The following MAP2 variants were observed in gnomAD, a reference collection of about 807,000 sequenced individuals.
MAP2 encodes the protein microtubule-associated protein 2.
A neutral mutation model predicts 137.6 loss-of-function variants in MAP2; 14 were observed. That is an observed-to-expected ratio of 0.10 (90% CI 0.07 to 0.16). The LOEUF (loss-of-function observed/expected upper bound fraction) is 0.16. Among genes scored for constraint, MAP2 ranks in the 10% least tolerant of loss-of-function variants. The probability of loss-of-function intolerance (pLI) is 1.00; values close to 1 mark genes in which losing one functional copy is unlikely to be tolerated. For synonymous variants in MAP2, 786 were observed against 782.3 expected (o/e 1.00, Z -0.08); for missense variants, 2,088 against 2,191.5 (o/e 0.95, Z 0.94).
In MAP2 at chr2:209,425,566, G is replaced by A. The variant is rs541989338; in HGVS notation, c.-222+1290G>A. On this transcript the variant is annotated intron_variant, in intron 1 of 15. Transcript: ENST00000682079. ...CTGTTGGTAAGGAACTAATTTAAAT[G>A]TTAAAGGTATAATTTATTTTAAAAT... Among the ~76,000 whole-genome samples the A allele has an allele frequency of 5.7e-4, 87 of 152,284 alleles. No individual in the cohort carries two copies. In the South Asian group the frequency reaches 6.4e-3, roughly 11 times the overall value.
chr2:209,692,477 TTGAC>T, intron 7 of MAP2, 144 bp from the exon 8 acceptor site: 1 of 776,222 alleles, frequency 1.3e-6, no homozygotes, highest in Non-Finnish European at 1.9e-6. Context: ...CCTTTTCATA[TTGAC>T]TTTTACATGG....
intron 13 of MAP2, among the ~76,000 whole-genome samples, chr2:209,714,722 T>C (rs2066852530): frequency 6.6e-6 from 1 of 152,222 alleles, no homozygotes; most frequent in Non-Finnish European, 1.5e-5. Flanking sequence ...CATCTCCTTC[T>C]AATCCAACCC....
intron 3 of MAP2, among the ~76,000 whole-genome samples, chr2:209,616,017 A>G (rs1247200606): frequency 1.3e-5 from 2 of 152,150 alleles, no homozygotes; most frequent in African/African-American, 4.8e-5. Flanking sequence ...TTTCTCCCCT[A>G]TCCCACATCC....
At chr2:209,490,094 G>A (rs2149966938) in intron 1 of MAP2, among the ~76,000 whole-genome samples, 1 of 152,296 alleles carries the variant, frequency 6.6e-6, no homozygotes, top group African/African-American at 2.4e-5. Flanking sequence ...TAGAAACCTT[G>A]CAAGCCAGAA....
chr2:209,443,216 G>GTT (rs143329860), intron 1 of MAP2, among the ~76,000 whole-genome samples: 1 of 146,292 alleles, frequency 6.8e-6, no homozygotes, highest in African/African-American at 2.5e-5. Flanking sequence ...CCCATTATAG[G>GTT]TTTTTTTTTT....
chr2:209,511,056 G>T (rs151024238), intron 2 of MAP2, among the ~76,000 whole-genome samples: 2 of 152,144 alleles, frequency 1.3e-5, no homozygotes, highest in African/African-American at 2.4e-5. Flanking sequence ...GCTGTGAGCA[G>T]AAAAGAACTA....
Position 209,694,335 on chromosome 2 carries a change from A to T in MAP2, c.2165A>T (p.His722Leu). The stretch of plus-strand genomic sequence containing the variant: ...CTTGGATTTAACTTTGGTCGGGGAC[A>T]TGATCTTTCTCCTCTGGCTTCCGAT... ...IALGFNFGRG[H>L]DLSPLASDIL... The change falls in exon 8 of 16, where the codon CAT (histidine) becomes CTT (leucine). Residue 722 changes from histidine to leucine, a missense_variant. His to Leu is a moderately conservative substitution (Grantham distance 99, BLOSUM62 -3). This residue lies in a region of MAP2 where 500 missense variants were observed against 482.9 expected (regional missense o/e 1.04). Transcript: ENST00000682079. 6.2e-7 allele frequency: 1 copy of T among 1,614,134 alleles called. No individual in the cohort carries two copies. Among genetic ancestry groups the T allele is most frequent in the Non-Finnish European group, 8.5e-7 (1 of 1,180,014 alleles).
At chr2:209,633,707 G>T (rs1052413137) in intron 4 of MAP2, among the ~76,000 whole-genome samples, 4 of 152,068 alleles carry the variant, frequency 2.6e-5, no homozygotes, top group African/African-American at 9.7e-5. Flanking sequence ...AGAAAAGGAG[G>T]AAGAATGAGC....
intron 2 of MAP2, among the ~76,000 whole-genome samples, chr2:209,558,758 C>T (rs2071280217): frequency 6.6e-6 from 1 of 151,564 alleles, no homozygotes; most frequent in Non-Finnish European, 1.5e-5. Context: ...ATCTAGTAAC[C>T]AGCACCTGCT....
At chr2:209,625,478 T>C (rs2153532512) in intron 4 of MAP2, among the ~76,000 whole-genome samples, 1 of 152,294 alleles carries the variant, frequency 6.6e-6, no homozygotes, top group South Asian at 2.1e-4. Context: ...TTAATTTGCA[T>C]AAATCAATTC....
intron 1 of MAP2, among the ~76,000 whole-genome samples, chr2:209,484,923 A>G (rs2058187693): frequency 6.6e-6 from 1 of 152,248 alleles, no homozygotes; most frequent in Admixed American, 6.5e-5. Flanking sequence ...TAAATGTGCT[A>G]TCTCTGGTCC....
At chr2:209,457,576 T>A (rs980772455) in intron 1 of MAP2, among the ~76,000 whole-genome samples, 17 of 152,204 alleles carry the variant, frequency 1.1e-4, no homozygotes, top group African/African-American at 3.9e-4. Flanking sequence ...GCAACTCTTA[T>A]GAGTTCTGTG....
intron 11 of MAP2, among the ~76,000 whole-genome samples, chr2:209,701,029 A>G (rs2061631578): frequency 6.6e-6 from 1 of 152,076 alleles, no homozygotes; most frequent in South Asian, 2.1e-4. Flanking sequence ...TATTTTAACA[A>G]TATTACTGTA....
At chr2:209,581,936 T>G (rs1448874434) in intron 3 of MAP2, among the ~76,000 whole-genome samples, 1 of 152,070 alleles carries the variant, frequency 6.6e-6, no homozygotes, top group African/African-American at 2.4e-5. Flanking sequence ...AAAATGAGTT[T>G]ATTAAAATAG....
At chr2:209,547,261 C>A (rs1181785600) in intron 2 of MAP2, among the ~76,000 whole-genome samples, 1 of 152,060 alleles carries the variant, frequency 6.6e-6, no homozygotes, top group Non-Finnish European at 1.5e-5. Context: ...ACTTCTCAGA[C>A]ACCCTTCACA....
In MAP2 at chr2:209,513,273, C is replaced by T. The variant is rs1402525904; in HGVS notation, c.-172+5632C>T. The stretch of plus-strand genomic sequence containing the variant: ...GCTATATTTCTCTTCCAACTTGCTT[C>T]ATGTTGCTTCACACATTTCTTATAG... On this transcript the variant is annotated intron_variant, in intron 2 of 15. Coordinates refer to ENST00000682079, the MANE Select transcript of MAP2 (RefSeq NM_001375505.1). Among the ~76,000 whole-genome samples, 5 of 152,062 alleles carry T rather than the reference C, an allele frequency of 3.3e-5. No homozygotes were observed. In the East Asian group the frequency reaches 9.7e-4, roughly 29 times the overall value.
intron 3 of MAP2, among the ~76,000 whole-genome samples, chr2:209,597,031 C>G (rs1314584352): frequency 6.6e-6 from 1 of 152,174 alleles, no homozygotes; most frequent in Non-Finnish European, 1.5e-5. Flanking sequence ...TGACTAAGTT[C>G]TGGCCTGTAA....
At chr2:209,489,193 AGGG>A (rs2058772353) in intron 1 of MAP2, among the ~76,000 whole-genome samples, 1 of 152,208 alleles carries the variant, frequency 6.6e-6, no homozygotes, top group South Asian at 2.1e-4. Flanking sequence ...CCTGCAGAAG[AGGG>A]ACCTGACTGT....
chr2:209,536,304 A>G (rs1249563587), intron 2 of MAP2, among the ~76,000 whole-genome samples: 1 of 152,218 alleles, frequency 6.6e-6, no homozygotes, highest in Non-Finnish European at 1.5e-5. Flanking sequence ...AGCTATCAGT[A>G]TAGTGCCTAC....
Sources: allele counts gnomAD v4.1 joint callset (sites outside exome capture counted in the v4.1 genomes callset), GRCh38; gene constraint gnomAD v4.1.1; regional missense constraint gnomAD v4.1.1; transcripts MANE v1.5; gene names NCBI Gene and HGNC (gene_info 2026-07-23, HGNC 2026-07-21).